Variants in PRKN observed in about 807,000 individuals in gnomAD.
PRKN encodes the protein E3 ubiquitin-protein ligase parkin.
Under a neutral mutation model 59.5 loss-of-function variants are expected in PRKN, and 56 were observed. That is an observed-to-expected ratio of 0.94 (90% CI 0.76 to 1.18). The LOEUF (loss-of-function observed/expected upper bound fraction) is 1.18, where lower values mean the gene tolerates loss of function less well. Ranked by LOEUF, PRKN falls within the 50% of genes most tolerant of loss-of-function variation. The pLI is 0.00. For missense variants in PRKN, 657 were observed against 596.4 expected (o/e 1.10, Z -1.06); for synonymous variants, 250 against 222.1 (o/e 1.13, Z -1.12).
At chr6:162,358,885 C>T (rs868308241) in intron 2 of PRKN, among the ~76,000 whole-genome samples, 9 of 151,474 alleles carry the variant, frequency 5.9e-5, no homozygotes, top group Non-Finnish European at 8.8e-5. Flanking sequence ...CATGGTGAAA[C>T]CTCCTATCTA....
intron 5 of PRKN, among the ~76,000 whole-genome samples, chr6:162,010,439 TTTATG>T: frequency 2.6e-5 from 2 of 77,716 alleles, no homozygotes; most frequent in Non-Finnish European, 4.2e-5. Flanking sequence ...ATATGTAATA[TTTATG>T]ATATATAATG....
rs369430980 is a variant in PRKN, at chr6:162,540,506, A to T, written c.8-97033T>A. Among the ~76,000 whole-genome samples, 18 of 152,250 alleles carry T rather than the reference A, an allele frequency of 1.2e-4. No individual in the cohort carries two copies. In the East Asian group the frequency reaches 2.9e-3, roughly 25 times the overall value. ...GTCAACTCAGTTTCCCCAAGTTAAA[A>T]TTATAAGAGTATATTAACTGGCTGG... On this transcript the variant is annotated intron_variant, in intron 1 of 11. Coordinates refer to ENST00000366898, the MANE Select transcript of PRKN (RefSeq NM_004562.3).
intron 5 of PRKN, among the ~76,000 whole-genome samples, chr6:162,048,158 C>G (rs1777457146): frequency 6.6e-6 from 1 of 152,048 alleles, no homozygotes; most frequent in Non-Finnish European, 1.5e-5. Context: ...TTTTACATAA[C>G]ACTTCAGGTA....
intron 1 of PRKN, among the ~76,000 whole-genome samples, chr6:162,556,514 C>T (rs555903725): frequency 3.3e-5 from 5 of 151,404 alleles, no homozygotes; most frequent in East Asian, 1.9e-4. Flanking sequence ...TTTGGGAGGC[C>T]GAGGCGGGGG....
chr6:161,781,708 G>A (rs1790212933), intron 7 of PRKN, among the ~76,000 whole-genome samples: 1 of 152,020 alleles, frequency 6.6e-6, no homozygotes, highest in African/African-American at 2.4e-5. Context: ...GTGCTATACA[G>A]AAAATATTTT....
chr6:162,284,017 A>G (rs960438038), intron 2 of PRKN, among the ~76,000 whole-genome samples: 1 of 152,140 alleles, frequency 6.6e-6, no homozygotes, highest in Non-Finnish European at 1.5e-5. Flanking sequence ...TTTAGCCAAA[A>G]GTAAATAAAA....
chr6:161,684,510 A>C (rs185117180), intron 7 of PRKN, among the ~76,000 whole-genome samples: 5 of 152,342 alleles, frequency 3.3e-5, no homozygotes, highest in Admixed American at 3.3e-4. Context: ...AAGAAAAATT[A>C]AGTATATTCA....
chr6:162,262,890 T>C (rs1779957051), intron 2 of PRKN, 125 bp from the exon 3 acceptor site: 1 of 1,221,538 alleles, frequency 8.2e-7, no homozygotes, highest in East Asian at 2.5e-5. Context: ...ACTGACCAAC[T>C]TAGGTGCTCC....
intron 7 of PRKN, among the ~76,000 whole-genome samples, chr6:161,698,241 T>G (rs1403773200): frequency 1.3e-5 from 2 of 152,134 alleles, no homozygotes; most frequent in African/African-American, 2.4e-5. Flanking sequence ...ACAGGCTACA[T>G]GTAGCCAGAA....
At chr6:161,689,963 C>T (rs1422999487) in intron 7 of PRKN, among the ~76,000 whole-genome samples, 5 of 152,072 alleles carry the variant, frequency 3.3e-5, no homozygotes, top group East Asian at 1.9e-4. Context: ...ACGCCCGCCT[C>T]GGCCTCCCAA....
At chr6:162,286,583 C>T (rs945715426) in intron 2 of PRKN, among the ~76,000 whole-genome samples, 2 of 152,174 alleles carry the variant, frequency 1.3e-5, no homozygotes, top group African/African-American at 4.8e-5. Context: ...AAACAAAATG[C>T]TAGATCGCTC....
At position 161,781,861 on chromosome 6, in the gene PRKN, C is replaced by T. The variant is rs564839424; in HGVS notation, c.871+3911G>A. Among the ~76,000 whole-genome samples the T allele has an allele frequency of 5.3e-5, 8 of 152,290 alleles. No individual in the cohort carries two copies. In the South Asian group the frequency reaches 1.0e-3, roughly 20 times the overall value. ...TTAAAAAGAAACATACAGCCAACTA[C>T]ATAGAATAACATTTCTCAAATATAT... On this transcript the variant is annotated intron_variant, in intron 7 of 11. Transcript: ENST00000366898.
intron 7 of PRKN, among the ~76,000 whole-genome samples, chr6:161,681,811 T>C (rs2128172746): frequency 6.6e-6 from 1 of 152,346 alleles, no homozygotes; most frequent in South Asian, 2.1e-4. Flanking sequence ...TGTGGCCAGA[T>C]AATGTACTAA....
At chr6:162,527,431 G>T (rs944648841) in intron 1 of PRKN, among the ~76,000 whole-genome samples, 3 of 151,992 alleles carry the variant, frequency 2.0e-5, no homozygotes, top group Admixed American at 1.3e-4. Context: ...TAGTTACAAA[G>T]GTTGAATAAA....
intron 6 of PRKN, among the ~76,000 whole-genome samples, chr6:161,866,377 C>T (rs1794110815): frequency 6.6e-6 from 1 of 152,048 alleles, no homozygotes; most frequent in South Asian, 2.1e-4. Context: ...AGATTGAGAC[C>T]ATCCTGGCCA....
At chr6:161,826,916 T>G (rs1275570308) in intron 6 of PRKN, among the ~76,000 whole-genome samples, 1 of 152,188 alleles carries the variant, frequency 6.6e-6, no homozygotes, top group Admixed American at 6.5e-5. Context: ...GTGTGTAATT[T>G]TGATTTGCAT....
Position 161,460,913 on chromosome 6 carries a change from C to G in PRKN, c.1084-74036G>C, listed in dbSNP as rs1216389478. Among the ~76,000 whole-genome samples the G allele has an allele frequency of 1.3e-5, 2 of 151,534 alleles. No homozygotes were observed. The highest frequency in any genetic ancestry group is 2.9e-5 in the Non-Finnish European group (2 of 67,908). On this transcript the variant is annotated intron_variant, in intron 9 of 11. Coordinates refer to ENST00000366898, the MANE Select transcript of PRKN (RefSeq NM_004562.3). The surrounding 1 kb of genome is among the most constrained non-coding windows in gnomAD (Gnocchi z 5.0). ...TACAGGTACGCACCACCACGCCCAGCTAATTTTTCTTTCTTTTTTTTTTTT... is the reference window on the plus strand; with the variant it reads ...TACAGGTACGCACCACCACGCCCAGGTAATTTTTCTTTCTTTTTTTTTTTT...
rs149726001 is a variant in PRKN, at chr6:161,393,284, T to C, written c.1084-6407A>G. Among the ~76,000 whole-genome samples the C allele has an allele frequency of 2.6e-4, 40 of 152,222 alleles. No individual in the cohort carries two copies. Among genetic ancestry groups the C allele is most frequent in the African/African-American group, 8.7e-4 (36 of 41,512 alleles). On this transcript the variant is annotated intron_variant, in intron 9 of 11. Coordinates refer to ENST00000366898, the MANE Select transcript of PRKN (RefSeq NM_004562.3). This position sits in a 1 kb window ranked among gnomAD's most constrained non-coding sequence, Gnocchi z 4.7. Reference sequence around the variant, plus strand: ...GTAAGCGCCTTGTTAATTAAAGCAGTTCCCAGTATACTGATAATAATGACT... The same window carrying C: ...GTAAGCGCCTTGTTAATTAAAGCAGCTCCCAGTATACTGATAATAATGACT...
chr6:162,402,033 T>C (rs1250650229), intron 2 of PRKN, among the ~76,000 whole-genome samples: 1 of 152,034 alleles, frequency 6.6e-6, no homozygotes, highest in Admixed American at 6.6e-5. Flanking sequence ...GAGGATCACC[T>C]AAGGCCAGGA....
Sources: allele counts gnomAD v4.1 joint callset (sites outside exome capture counted in the v4.1 genomes callset), GRCh38; gene constraint gnomAD v4.1.1; non-coding constraint Gnocchi (gnomAD v3.1); transcripts MANE v1.5; gene names NCBI Gene and HGNC (gene_info 2026-07-23, HGNC 2026-07-21).